The following ATP8B4 variants were observed in gnomAD, a reference collection of about 807,000 sequenced individuals.
The protein encoded by ATP8B4 is ATPase phospholipid transporting 8B4 (putative).
Under a neutral mutation model 145.6 loss-of-function variants are expected in ATP8B4, and 133 were observed. The observed-to-expected ratio is 0.91, with a 90% CI of 0.79 to 1.05. ATP8B4 has a LOEUF of 1.05. Among genes scored for constraint, ATP8B4 ranks in the 50% least tolerant of loss-of-function variants. The probability of loss-of-function intolerance (pLI) is 0.00; values close to 1 mark genes in which losing one functional copy is unlikely to be tolerated. For missense variants in ATP8B4, 1,458 were observed against 1,425.2 expected, an observed-to-expected ratio of 1.02 and a Z score of -0.37; for synonymous variants, 507 against 492.9, an observed-to-expected ratio of 1.03 and a Z score of -0.38.
chr15:49,960,612 A>G (rs2043980886), intron 14 of ATP8B4, among the ~76,000 whole-genome samples: 1 of 152,218 alleles, frequency 6.6e-6, no homozygotes, highest in South Asian at 2.1e-4. Flanking sequence ...CTTTATATCT[A>G]AGGCATAAAC....
chr15:49,995,994 T>C (rs1440803342), intron 9 of ATP8B4, among the ~76,000 whole-genome samples: 1 of 152,044 alleles, frequency 6.6e-6, no homozygotes, highest in Non-Finnish European at 1.5e-5. Context: ...ATGGACAACA[T>C]CTAGAGGTTG....
intron 16 of ATP8B4, among the ~76,000 whole-genome samples, chr15:49,928,693 G>C (rs1311147350): frequency 6.6e-6 from 1 of 151,952 alleles, no homozygotes; most frequent in Non-Finnish European, 1.5e-5. Context: ...ACTAAGGCAG[G>C]GTACTGGGAA....
intron 2 of ATP8B4, among the ~76,000 whole-genome samples, chr15:50,090,854 C>T (rs74815071): frequency 0.029 from 4,417 of 151,850 alleles, 69 homozygotes; most frequent in South Asian, 0.064. Flanking sequence ...TTCCAAAGTA[C>T]GGGGATTACA....
intron 1 of ATP8B4, among the ~76,000 whole-genome samples, chr15:50,136,806 C>T (rs1353327708): frequency 6.6e-6 from 1 of 152,150 alleles, no homozygotes; most frequent in Non-Finnish European, 1.5e-5. Flanking sequence ...ACAAGTTACC[C>T]TGTGTGTCTC....
intron 4 of ATP8B4, among the ~76,000 whole-genome samples, chr15:50,045,061 T>G (rs1265624201): frequency 6.6e-6 from 1 of 152,226 alleles, no homozygotes; most frequent in East Asian, 1.9e-4. Context: ...GAGAGATTGT[T>G]TGAACATCTG....
At position 49,886,182 on chromosome 15, in the gene ATP8B4, CCTGCTCAATAAAAGGAAG is replaced by C. The variant is rs545490444; in HGVS notation, c.2698-6741_2698-6724del. 5.7e-4 allele frequency among the ~76,000 whole-genome samples: 87 copies of C among 152,300 alleles called. 3 individuals are homozygous for C. In the South Asian group the frequency reaches 0.017, roughly 29 times the overall value. On this transcript the variant is annotated intron_variant, in intron 23 of 27. Transcript: ENST00000284509. The stretch of plus-strand genomic sequence containing the variant: ...TGGGGCCCAAGAACCAAACTCAGAA[CCTGCTCAATAAAAGGAAG>C]CTGGTGTCTTAAGGGTAAGGGAGTC...
intron 1 of ATP8B4, among the ~76,000 whole-genome samples, chr15:50,165,575 TCAA>T (rs2044584776): frequency 6.6e-6 from 1 of 152,018 alleles, no homozygotes; most frequent in Admixed American, 6.5e-5. Context: ...GTTGAAAAAG[TCAA>T]CAACATGTGT....
At chr15:50,153,229 C>T (rs1408546771) in intron 1 of ATP8B4, among the ~76,000 whole-genome samples, 1 of 152,040 alleles carries the variant, frequency 6.6e-6, no homozygotes, top group Non-Finnish European at 1.5e-5. Context: ...ACAAACAGAA[C>T]ATTTCAATGA....
At chr15:50,041,171 T>A (rs1027254758) in intron 5 of ATP8B4, among the ~76,000 whole-genome samples, 1 of 152,198 alleles carries the variant, frequency 6.6e-6, no homozygotes, top group Non-Finnish European at 1.5e-5. Flanking sequence ...AACTCATGCA[T>A]CTAAATGAGT....
intron 1 of ATP8B4, among the ~76,000 whole-genome samples, chr15:50,116,483 G>C (rs1019706529): frequency 6.6e-6 from 1 of 152,146 alleles, no homozygotes; most frequent in Non-Finnish European, 1.5e-5. Context: ...AATGCCTCTT[G>C]ATCATTGAAA....
At chr15:50,180,733 G>A (rs2044833715) in intron 1 of ATP8B4, among the ~76,000 whole-genome samples, 2 of 152,156 alleles carry the variant, frequency 1.3e-5, no homozygotes, top group South Asian at 4.2e-4. Context: ...TCTCCTCAGG[G>A]ATGATGAAGG....
chr15:50,085,828 T>C lies in ATP8B4; in HGVS notation c.29-11643A>G, dbSNP rs370106369. The stretch of plus-strand genomic sequence containing the variant: ...GTATTTCATTTTATTATATATAATA[T>C]ATATGATATAGATTATTTTATTATA... On this transcript the variant is annotated intron_variant, in intron 2 of 27. Coordinates refer to ENST00000284509, the MANE Select transcript of ATP8B4 (RefSeq NM_024837.4). 3.1e-5 allele frequency among the ~76,000 whole-genome samples: 4 copies of C among 131,120 alleles called. No homozygotes were observed. In the East Asian group the frequency reaches 8.6e-4, roughly 28 times the overall value. The allele number at this position is 131,120 out of a possible 152,430, so 86.0% of individuals were successfully genotyped here. A position where few individuals can be genotyped will look rare whatever the true frequency, so the allele number is the denominator to read the frequency against.
In ATP8B4 at chr15:49,992,892, C is replaced by T. The variant is rs138330816; in HGVS notation, c.589+3785G>A. Among the ~76,000 whole-genome samples, 1,118 of 152,176 alleles carry T rather than the reference C, an allele frequency of 7.3e-3. 20 individuals carry two copies. Among genetic ancestry groups the T allele is most frequent in the African/African-American group, 0.026 (1,080 of 41,526 alleles). On this transcript the variant is annotated intron_variant, in intron 9 of 27. Coordinates refer to ENST00000284509, the MANE Select transcript of ATP8B4 (RefSeq NM_024837.4). ...CTTGCCAAAGCTAGCCAGGGCATTG[C>T]CAAACATATACAATGTTGATATCCT...
Position 49,925,344 on chromosome 15 carries a change from A to T in ATP8B4, c.1643-1850T>A, listed in dbSNP as rs374977133. On this transcript the variant is annotated intron_variant, in intron 16 of 27. Transcript: ENST00000284509. ...TAATAAAAGAGGGTTGGATTCCCATATCTGTTTCTGCATTCATTCTGTTGT... is the reference window on the plus strand; with the variant it reads ...TAATAAAAGAGGGTTGGATTCCCATTTCTGTTTCTGCATTCATTCTGTTGT... Among the ~76,000 whole-genome samples the T allele has an allele frequency of 2.0e-5, 3 of 152,114 alleles. No individual in the cohort carries two copies. In the South Asian group the frequency reaches 6.2e-4, roughly 31 times the overall value.
At position 50,161,106 on chromosome 15, in the gene ATP8B4, C is replaced by T. The variant is rs1317520634; in HGVS notation, c.-43+21155G>A. 2.0e-5 allele frequency among the ~76,000 whole-genome samples: 3 copies of T among 151,944 alleles called. No homozygotes were observed. The East Asian group carries it at 5.8e-4, about 29-fold the overall frequency. ...GTTATATCCTCTTTCTGAATTGATC[C>T]CTTTATCTTTATATAGTGACCTTCT... is the stretch of plus-strand genomic sequence containing the variant. On this transcript the variant is annotated intron_variant, in intron 1 of 3. Coordinates refer to the ATP8B4 transcript ENST00000558829.
chr15:50,177,883 G>C (rs1387109243), intron 1 of ATP8B4, among the ~76,000 whole-genome samples: 3 of 152,328 alleles, frequency 2.0e-5, no homozygotes, highest in East Asian at 3.9e-4. Flanking sequence ...TCTCCATAAA[G>C]TAGGAAGGGA....
At chr15:50,072,195 A>C (rs1292917840) in intron 3 of ATP8B4, among the ~76,000 whole-genome samples, 1 of 149,556 alleles carries the variant, frequency 6.7e-6, no homozygotes, top group African/African-American at 2.5e-5. Flanking sequence ...CCTAATGGAC[A>C]CTGCCAAAGT....
chr15:49,927,882 A>G (rs1398198596), intron 16 of ATP8B4, among the ~76,000 whole-genome samples: 1 of 152,148 alleles, frequency 6.6e-6, no homozygotes, highest in Non-Finnish European at 1.5e-5. Context: ...AAAAATAAAA[A>G]TAAACATTCT....
At chr15:50,023,455 C>T (rs1324773431) in intron 6 of ATP8B4, among the ~76,000 whole-genome samples, 3 of 152,118 alleles carry the variant, frequency 2.0e-5, no homozygotes, top group Non-Finnish European at 4.4e-5. Context: ...CAGTCCTTTG[C>T]ATATTTGTTT....
Sources: allele counts gnomAD v4.1 joint callset (sites outside exome capture counted in the v4.1 genomes callset), GRCh38; gene constraint gnomAD v4.1.1; transcripts MANE v1.5; gene names NCBI Gene and HGNC (gene_info 2026-07-23, HGNC 2026-07-21).